LOC122539214: variants seen among roughly 807,000 people sequenced by gnomAD.
At chr19:52,663,191 A>G in the LOC122539214 span, among the ~76,000 whole-genome samples, 21 of 152,094 alleles carry the variant, frequency 1.4e-4, no homozygotes, top group Non-Finnish European at 2.8e-4. Context: ...TTCCAGGACC[A>G]TCTGTTATAT....
the LOC122539214 span, among the ~76,000 whole-genome samples, chr19:52,672,233 C>CA: frequency 3.3e-5 from 5 of 151,490 alleles, no homozygotes; most frequent in African/African-American, 7.3e-5. Context: ...GATTCTGTCT[C>CA]AAAAAAATAA....
At chr19:52,664,743 G>A in the LOC122539214 span, among the ~76,000 whole-genome samples, 40 of 150,804 alleles carry the variant, frequency 2.7e-4, no homozygotes, top group Non-Finnish European at 5.3e-4. Flanking sequence ...GAAGGACAAG[G>A]GGCCTGGTGT....
At chr19:52,655,539 T>A in the LOC122539214 span, 1 of 1,472,750 alleles carries the variant, frequency 6.8e-7, no homozygotes, top group Non-Finnish European at 9.5e-7. Context: ...ATTCCTCACA[T>A]CAGGAGGGAC....
At chr19:52,651,052 C>A in the LOC122539214 span, 1 of 152,192 alleles carries the variant, frequency 6.6e-6, no homozygotes, top group Non-Finnish European at 1.5e-5. Context: ...GCTACTTGAA[C>A]TGTGCATGTC....
chr19:52,686,935 A>C, the LOC122539214 span, among the ~76,000 whole-genome samples: 1 of 151,974 alleles, frequency 6.6e-6, no homozygotes, highest in Non-Finnish European at 1.5e-5. Context: ...TAATCCCAGC[A>C]CTTTGGGAGA....
chr19:52,660,087 A>C, the LOC122539214 span, among the ~76,000 whole-genome samples: 3 of 152,118 alleles, frequency 2.0e-5, no homozygotes, highest in African/African-American at 7.2e-5. Context: ...GCTACTCAGG[A>C]GGCTGAGGCA....
At chr19:52,684,744 A>G in the LOC122539214 span, among the ~76,000 whole-genome samples, 1 of 152,064 alleles carries the variant, frequency 6.6e-6, no homozygotes, top group African/African-American at 2.4e-5. Context: ...TTAGGGACAT[A>G]GGGTAAGAGC....
chr19:52,655,717 A>G, the LOC122539214 span: 7 of 864,276 alleles, frequency 8.1e-6, no homozygotes, highest in Admixed American at 6.3e-5. Flanking sequence ...TCAACAAAAC[A>G]TTAGGGAGGA....
At chr19:52,661,740 G>T in the LOC122539214 span, among the ~76,000 whole-genome samples, 2 of 152,282 alleles carry the variant, frequency 1.3e-5, no homozygotes, top group Admixed American at 6.5e-5. Flanking sequence ...GAACAGCGAA[G>T]GAGCTAAAAG....
chr19:52,676,262 C>T, the LOC122539214 span, among the ~76,000 whole-genome samples: 8 of 152,196 alleles, frequency 5.3e-5, no homozygotes, highest in Non-Finnish European at 1.2e-4. Context: ...GGATTGCAGA[C>T]GGAGTCTCGT....
the LOC122539214 span, among the ~76,000 whole-genome samples, chr19:52,685,710 A>C: frequency 6.6e-6 from 1 of 152,044 alleles, no homozygotes; most frequent in Non-Finnish European, 1.5e-5. Context: ...CAGCCTGGCA[A>C]ACATGGTGAA....
chr19:52,676,457 G>A, the LOC122539214 span, among the ~76,000 whole-genome samples: 4 of 152,102 alleles, frequency 2.6e-5, no homozygotes, highest in Admixed American at 2.0e-4. Context: ...TGGGATGTGA[G>A]GAGCCTGCCC....
chr19:52,670,712 C>T, the LOC122539214 span, among the ~76,000 whole-genome samples: 1 of 152,160 alleles, frequency 6.6e-6, no homozygotes, highest in African/African-American at 2.4e-5. Context: ...ACAGCTTCTT[C>T]TTAGACATTT....
the LOC122539214 span, among the ~76,000 whole-genome samples, chr19:52,668,827 G>A: frequency 6.6e-6 from 1 of 152,168 alleles, no homozygotes; most frequent in African/African-American, 2.4e-5. Context: ...CCAGGTGTGG[G>A]CTGGATGCTA....
At chr19:52,679,045 T>C in the LOC122539214 span, among the ~76,000 whole-genome samples, 92,800 of 151,710 alleles carry the variant, frequency 0.61, 29,101 homozygotes, top group African/African-American at 0.74. Context: ...CTTAATAAGA[T>C]TGATGAAAAC....
chr19:52,651,834 G>A, the LOC122539214 span: 1 of 156,204 alleles, frequency 6.4e-6, no homozygotes, highest in Admixed American at 6.5e-5. Flanking sequence ...CTCCCAAAGT[G>A]CTGGGATTAT....
chr19:52,686,059 A>T, the LOC122539214 span, among the ~76,000 whole-genome samples: 4 of 152,200 alleles, frequency 2.6e-5, no homozygotes, highest in Non-Finnish European at 5.9e-5. Flanking sequence ...CAAATGACAT[A>T]AGGAAAGAAA....
chr19:52,656,642 T>C, the LOC122539214 span, among the ~76,000 whole-genome samples: 1 of 152,036 alleles, frequency 6.6e-6, no homozygotes. Flanking sequence ...CTGAGGCATG[T>C]GGATCACAAA....
At chr19:52,676,507 G>GGT in the LOC122539214 span, among the ~76,000 whole-genome samples, 2 of 150,432 alleles carry the variant, frequency 1.3e-5, no homozygotes, top group South Asian at 2.1e-4. Flanking sequence ...GAGGTGGGGG[G>GGT]CAGCCCCCGC....
Sources: gnomAD v4.1 joint callset for allele counts (sites outside exome capture counted in the v4.1 genomes callset) on GRCh38, gnomAD v4.1.1 for gene constraint, MANE v1.5 for transcripts.